The following FILIP1 variants were observed in gnomAD, a reference collection of about 807,000 sequenced individuals.
FILIP1 encodes filamin A interacting protein 1.
FILIP1 carries 61 observed loss-of-function variants against 102.1 expected under a neutral mutation model. That is an observed-to-expected ratio of 0.60 (90% confidence interval 0.49 to 0.74). The LOEUF is 0.74. Among genes scored for constraint, FILIP1 ranks in the 30% least tolerant of loss-of-function variants. FILIP1 has a pLI of 0.00. For missense variants in FILIP1, 1,314 were observed against 1,441.2 expected (o/e 0.91, Z 1.43); for synonymous variants, 491 against 526.9 (o/e 0.93, Z 0.93).
At chr6:75,466,114 G>A (rs907969964) in intron 1 of FILIP1, among the ~76,000 whole-genome samples, 1 of 152,084 alleles carries the variant, frequency 6.6e-6, no homozygotes, top group Non-Finnish European at 1.5e-5. Flanking sequence ...CCTGCTCCAC[G>A]AGGCATTCCC....
intron 2 of FILIP1, among the ~76,000 whole-genome samples, chr6:75,387,302 T>A (rs1316352756): frequency 2.0e-5 from 3 of 152,146 alleles, no homozygotes; most frequent in Non-Finnish European, 4.4e-5. Flanking sequence ...AAGTTTGCTA[T>A]TTTTTTGGTT....
At chr6:75,385,794 G>T (rs896930574) in intron 2 of FILIP1, 6 of 151,228 alleles carry the variant, frequency 4.0e-5, no homozygotes, top group African/African-American at 1.5e-4. Context: ...GAGCACTCTG[G>T]TTAAGCATGT....
At chr6:75,489,176 C>T (rs370875791) in intron 1 of FILIP1, among the ~76,000 whole-genome samples, 2 of 152,092 alleles carry the variant, frequency 1.3e-5, no homozygotes, top group East Asian at 3.9e-4. Context: ...TCTCCAAGTG[C>T]AAATATAGAA....
rs11447756 is a variant in FILIP1 at position 75,380,207 on chromosome 6, CA to C, written c.277-17291del. Reference sequence around the variant, plus strand: ...AAAACAATCATAGCCAATTAAAAGGCAAAAAAAAAGAAAGGAAATATTTGTA... The same window carrying C: ...AAAACAATCATAGCCAATTAAAAGGCAAAAAAAAGAAAGGAAATATTTGTA... On this transcript the variant is annotated intron_variant, in intron 2 of 5. Transcript: ENST00000237172. Among the ~76,000 whole-genome samples the C allele has an allele frequency of 3.3e-5, 5 of 149,258 alleles. No homozygotes were observed. The East Asian group carries it at 5.9e-4, about 18-fold the overall frequency.
At chr6:75,490,559 A>G (rs1046104479) in intron 1 of FILIP1, among the ~76,000 whole-genome samples, 1 of 152,152 alleles carries the variant, frequency 6.6e-6, no homozygotes, top group African/African-American at 2.4e-5. Flanking sequence ...AAAAGTAACT[A>G]TAAATAGAAC....
At chr6:75,306,207 G>GT (rs924357939), downstream of FILIP1, among the ~76,000 whole-genome samples, 1 of 151,976 alleles carries the variant, frequency 6.6e-6, no homozygotes. Context: ...GTTCTGCCAA[G>GT]TTTTTTTTAG....
chr6:75,473,837 T>C (rs1292854659), intron 1 of FILIP1: 1 of 152,160 alleles, frequency 6.6e-6, no homozygotes, highest in Non-Finnish European at 1.5e-5. Context: ...CAGAGTGCAA[T>C]GGATGAGCCT....
chr6:75,381,373 G>A (rs1433582562), intron 2 of FILIP1, among the ~76,000 whole-genome samples: 1 of 152,060 alleles, frequency 6.6e-6, no homozygotes, highest in East Asian at 1.9e-4. Flanking sequence ...GGGATTACAG[G>A]CGCGTGCCAC....
intron 4 of FILIP1, 45 bp downstream of exon 4, chr6:75,353,494 G>A: frequency 1.2e-6 from 2 of 1,604,622 alleles, no homozygotes; most frequent in Non-Finnish European, 1.7e-6. Flanking sequence ...GACATGAAAG[G>A]GCTATGGGCA....
intron 4 of FILIP1, among the ~76,000 whole-genome samples, chr6:75,345,007 C>T (rs1249494492): frequency 6.6e-6 from 1 of 152,186 alleles, no homozygotes; most frequent in Non-Finnish European, 1.5e-5. Context: ...CCAACATGAA[C>T]ATCTACCCTT....
intron 1 of FILIP1, among the ~76,000 whole-genome samples, chr6:75,486,648 A>C (rs1267151026): frequency 6.6e-6 from 1 of 152,132 alleles, no homozygotes. Context: ...TTGGATTTTA[A>C]ATCTACTACT....
At chr6:75,418,754 C>G (rs1273128038) in intron 1 of FILIP1, among the ~76,000 whole-genome samples, 1 of 152,128 alleles carries the variant, frequency 6.6e-6, no homozygotes, top group East Asian at 1.9e-4. Context: ...ACTGAAGATT[C>G]AAATCACGTT....
intron 4 of FILIP1, among the ~76,000 whole-genome samples, chr6:75,340,560 G>A (rs2149588053): frequency 6.6e-6 from 1 of 152,166 alleles, no homozygotes; most frequent in Non-Finnish European, 1.5e-5. Flanking sequence ...CAGCTCTATT[G>A]GTCTGTCTGC....
intron 1 of FILIP1, among the ~76,000 whole-genome samples, chr6:75,436,176 C>T (rs1013094507): frequency 1.3e-5 from 2 of 151,908 alleles, no homozygotes; most frequent in African/African-American, 2.4e-5. Context: ...AGTTCAAGAC[C>T]ATCCTGGACA....
At chr6:75,431,939 G>A (rs1777837080) in intron 1 of FILIP1, among the ~76,000 whole-genome samples, 1 of 152,142 alleles carries the variant, frequency 6.6e-6, no homozygotes, top group Non-Finnish European at 1.5e-5. Flanking sequence ...TACATGAATT[G>A]TCTAAAAATA....
intron 1 of FILIP1, among the ~76,000 whole-genome samples, chr6:75,452,886 AT>A (rs1778683400): frequency 1.3e-5 from 2 of 152,242 alleles, no homozygotes; most frequent in Admixed American, 1.3e-4. Flanking sequence ...GTAAGGTATG[AT>A]GCCATTTAAC....
chr6:75,384,544 C>A (rs953328347), intron 2 of FILIP1, among the ~76,000 whole-genome samples: 6 of 152,028 alleles, frequency 3.9e-5, no homozygotes, highest in Non-Finnish European at 1.5e-5. Flanking sequence ...GGACATAATC[C>A]TATGTTTGTA....
At position 75,414,850 on chromosome 6, in the gene FILIP1, T is replaced by C. The variant is rs1204839532; in HGVS notation, c.123A>G (p.Lys41=). 2.5e-6 allele frequency: 4 copies of C among 1,613,854 alleles called. No individual in the cohort carries two copies. Among genetic ancestry groups the C allele is most frequent in the Non-Finnish European group, 8.5e-7 (1 of 1,179,918 alleles). The change falls in exon 2 of 6, where the codon AAA becomes AAG. Residue 41 remains lysine, a synonymous_variant. Transcript: ENST00000237172. Reference sequence around the variant, plus strand: ...TGACATCATCCTCCTTCCTATTTGATTTCTTCTTCTTTTTTGCATCTTCTG... The same window carrying C: ...TGACATCATCCTCCTTCCTATTTGACTTCTTCTTCTTTTTTGCATCTTCTG... ...SLSEDAKKKK[K]SNRKEDDVMA... is the part of the protein sequence containing the mutation.
chr6:75,486,059 A>G (rs1037202660), intron 1 of FILIP1, among the ~76,000 whole-genome samples: 8 of 151,850 alleles, frequency 5.3e-5, no homozygotes, highest in South Asian at 2.1e-4. Context: ...GCTACCAACA[A>G]CGGGGATAAG....
Sources: gnomAD v4.1 joint callset for allele counts (sites outside exome capture counted in the v4.1 genomes callset) on GRCh38, gnomAD v4.1.1 for gene constraint, MANE v1.5 for transcripts, NCBI Gene and HGNC (gene_info 2026-07-23, HGNC 2026-07-21) for gene names.